The following PDE10A variants were observed in gnomAD, a reference collection of about 807,000 sequenced individuals.
The protein encoded by PDE10A is cAMP and cAMP-inhibited cGMP 3',5'-cyclic phosphodiesterase 10A.
PDE10A carries 39 observed loss-of-function variants against 97.7 expected under a neutral mutation model. The ratio of observed to expected loss-of-function variants is 0.40; its 90% confidence interval spans 0.31 to 0.52. The LOEUF (loss-of-function observed/expected upper bound fraction) is 0.52, where lower values mean the gene tolerates loss of function less well. Ranked by LOEUF, PDE10A falls within the 20% of genes least tolerant of loss-of-function variation. The pLI, the probability that PDE10A is intolerant of heterozygous loss-of-function variation, is 0.56. For missense variants in PDE10A, 731 were observed against 1,047.8 expected, an observed-to-expected ratio of 0.70 and a Z score of 4.17; for synonymous variants, 371 against 376.8, an observed-to-expected ratio of 0.98 and a Z score of 0.18.
At chr6:165,386,786 A>G (rs1785332505) in intron 17 of PDE10A, among the ~76,000 whole-genome samples, 1 of 151,676 alleles carries the variant, frequency 6.6e-6, no homozygotes, top group Non-Finnish European at 1.5e-5. Flanking sequence ...GCGGATCACA[A>G]GGTCAGGAGA....
At chr6:165,867,723 G>A (rs530902687) in intron 1 of PDE10A, among the ~76,000 whole-genome samples, 13 of 152,032 alleles carry the variant, frequency 8.6e-5, no homozygotes, top group East Asian at 7.7e-4. Flanking sequence ...TACAGAATAC[G>A]CATTCTCCTT....
At chr6:165,734,950 GTAGATAGATAGATAGATAGA>G (rs60771144) in intron 1 of PDE10A, among the ~76,000 whole-genome samples, 36 of 150,724 alleles carry the variant, frequency 2.4e-4, no homozygotes, top group African/African-American at 6.1e-4. Flanking sequence ...CAATAAGAAA[GTAGATAGATAGATAGATAGA>G]TAGATAGATA....
chr6:165,439,813 T>G (rs1454105068), intron 5 of PDE10A, among the ~76,000 whole-genome samples: 1 of 152,186 alleles, frequency 6.6e-6, no homozygotes, highest in African/African-American at 2.4e-5. Context: ...GGGAAATAAA[T>G]AGATTTGGTG....
At chr6:165,828,403 G>T (rs2128470574) in intron 1 of PDE10A, among the ~76,000 whole-genome samples, 1 of 152,316 alleles carries the variant, frequency 6.6e-6, no homozygotes, top group South Asian at 2.1e-4. Context: ...GGGGTGTTGG[G>T]ACAGAAGTGT....
In PDE10A at chr6:165,655,788, CT is replaced by C. The variant is rs1198430455; in HGVS notation, c.865+6158del. ...AGTAAACTGCAGTTTTTTCCTCTGA[CT>C]GACAAAGCCTTCATCCGGCCCATTT... On this transcript the variant is annotated intron_variant, in intron 1 of 21. Coordinates refer to ENST00000539869, the MANE Select transcript of PDE10A (RefSeq NM_001385079.1). The surrounding 1 kb of genome is among the most constrained non-coding windows in gnomAD (Gnocchi z 4.5). Among the ~76,000 whole-genome samples, 1 of 152,138 alleles carries C rather than the reference CT, an allele frequency of 6.6e-6. No homozygotes were observed. Among genetic ancestry groups the C allele is most frequent in the Non-Finnish European group, 1.5e-5 (1 of 68,026 alleles).
At chr6:165,370,061 C>A (rs968491879) in intron 18 of PDE10A, among the ~76,000 whole-genome samples, 1 of 152,068 alleles carries the variant, frequency 6.6e-6, no homozygotes, top group Admixed American at 6.6e-5. Flanking sequence ...GCCTGCCTTA[C>A]AAGAGCTCCT....
chr6:165,516,332 C>T (rs1322592187), intron 2 of PDE10A, among the ~76,000 whole-genome samples: 1 of 152,178 alleles, frequency 6.6e-6, no homozygotes, highest in Admixed American at 6.5e-5. Context: ...TCCTTCAAAA[C>T]ACATCTTAAA....
chr6:165,748,434 A>G (rs1238683788), intron 1 of PDE10A, among the ~76,000 whole-genome samples: 1 of 152,214 alleles, frequency 6.6e-6, no homozygotes, highest in East Asian at 1.9e-4. Context: ...CATCACATAA[A>G]TGCACAAGCG....
chr6:165,330,066 T>C lies in PDE10A; in HGVS notation c.*2959A>G, dbSNP rs1462093527. The C allele has an allele frequency of 2.6e-5, 4 of 152,232 alleles. No individual in the cohort carries two copies. Among genetic ancestry groups the C allele is most frequent in the African/African-American group, 9.6e-5 (4 of 41,454 alleles). The allele number at this position is 152,232 out of a possible 1,614,324, so 9.4% of individuals were successfully genotyped here. On this transcript the variant is annotated 3_prime_UTR_variant, in exon 22 of 22. Transcript: ENST00000539869. ...GCATTTATGTTTCCAAGGACATTTTTAGCTAAAAAACATATTCACTGTGTC... is the reference window on the plus strand; with the variant it reads ...GCATTTATGTTTCCAAGGACATTTTCAGCTAAAAAACATATTCACTGTGTC...
intron 1 of PDE10A, among the ~76,000 whole-genome samples, chr6:165,881,721 C>T (rs1228463285): frequency 1.3e-5 from 2 of 151,942 alleles, no homozygotes; most frequent in Non-Finnish European, 2.9e-5. Flanking sequence ...TTTAGGTCAG[C>T]CTCCCCCAGG....
chr6:165,920,512 A>G (rs747634059), intron 1 of PDE10A, among the ~76,000 whole-genome samples: 7 of 151,936 alleles, frequency 4.6e-5, no homozygotes, highest in Admixed American at 1.3e-4. Flanking sequence ...TTTGAGTGAC[A>G]ATCAAGATGC....
chr6:165,964,461 T>C (rs1379449948), intron 1 of PDE10A, among the ~76,000 whole-genome samples: 1 of 152,226 alleles, frequency 6.6e-6, no homozygotes, highest in Non-Finnish European at 1.5e-5. Context: ...TTTTAAAATG[T>C]AGAGATGAAA....
chr6:165,580,866 A>G lies in PDE10A; in HGVS notation c.866-37298T>C, dbSNP rs376506848. Among the ~76,000 whole-genome samples the G allele has an allele frequency of 7.9e-5, 12 of 151,538 alleles. No individual in the cohort carries two copies. In the East Asian group the frequency reaches 1.7e-3, roughly 22 times the overall value. ...AAGATGGTAAGTCTCCTACCCGATG[A>G]GAAGAGAAAGAAGATGGTAAGTCTC... is the stretch of plus-strand genomic sequence containing the variant. On this transcript the variant is annotated intron_variant, in intron 1 of 21. Coordinates refer to ENST00000539869, the MANE Select transcript of PDE10A (RefSeq NM_001385079.1).
intron 1 of PDE10A, among the ~76,000 whole-genome samples, chr6:165,727,818 T>C (rs1168609129): frequency 1.3e-5 from 2 of 152,236 alleles, no homozygotes; most frequent in East Asian, 3.8e-4. Flanking sequence ...AATGAAGACA[T>C]TTTACTTTGT....
At position 165,797,165 on chromosome 6, in the gene PDE10A, A is replaced by G. The variant is rs144850857; in HGVS notation, c.-615+190364T>C. On this transcript the variant is annotated intron_variant, in intron 1 of 19. Transcript: ENST00000366882. ...AGTTCAGATGACGTGTTGAGCAAGG[A>G]CACTCCACAGTGTTTCTGTGTGGCT... 1.1e-3 allele frequency among the ~76,000 whole-genome samples: 164 copies of G among 152,296 alleles called. 1 individual carries two copies. Among genetic ancestry groups the G allele is most frequent in the African/African-American group, 3.8e-3 (159 of 41,568 alleles).
intron 1 of PDE10A, among the ~76,000 whole-genome samples, chr6:165,979,712 C>G (rs1416460520): frequency 6.6e-6 from 1 of 152,166 alleles, no homozygotes. Context: ...ACAGTTAAGA[C>G]ACCACCACTC....
intron 1 of PDE10A, among the ~76,000 whole-genome samples, chr6:165,785,581 T>C (rs1317006690): frequency 2.0e-5 from 3 of 152,220 alleles, no homozygotes; most frequent in Admixed American, 2.0e-4. Flanking sequence ...ATTACCAAAA[T>C]TTAACAGCCT....
intron 1 of PDE10A, among the ~76,000 whole-genome samples, chr6:165,771,157 T>G (rs1368885474): frequency 6.6e-6 from 1 of 152,228 alleles, no homozygotes; most frequent in Non-Finnish European, 1.5e-5. Context: ...AGTCTCTGCC[T>G]CTGTTTATTA....
chr6:165,828,877 T>C (rs917707094), intron 1 of PDE10A, among the ~76,000 whole-genome samples: 2 of 152,194 alleles, frequency 1.3e-5, no homozygotes, highest in Admixed American at 1.3e-4. Context: ...AGAAGAAAGC[T>C]TTCAGTGTGC....
Sources: gnomAD v4.1 joint callset for allele counts (sites outside exome capture counted in the v4.1 genomes callset) on GRCh38, gnomAD v4.1.1 for gene constraint, Gnocchi (gnomAD v3.1) non-coding constraint, MANE v1.5 for transcripts, NCBI Gene and HGNC (gene_info 2026-07-23, HGNC 2026-07-21) for gene names.